Variants in DACH1 observed in about 807,000 individuals in gnomAD.
DACH1 encodes the protein dachshund family transcription factor 1.
Under a neutral mutation model 54.2 loss-of-function variants are expected in DACH1, and 12 were observed. The ratio of observed to expected loss-of-function variants is 0.22; its 90% confidence interval spans 0.14 to 0.36. The LOEUF (loss-of-function observed/expected upper bound fraction) is 0.36. Among genes scored for constraint, DACH1 ranks in the 10% least tolerant of loss-of-function variants. The pLI is 1.00. For synonymous variants in DACH1, 386 were observed against 366.2 expected, an observed-to-expected ratio of 1.05 and a Z score of -0.62; for missense variants, 805 against 929.8, an observed-to-expected ratio of 0.87 and a Z score of 1.75.
intron 10 of DACH1, among the ~76,000 whole-genome samples, chr13:71,466,112 C>T (rs572210800): frequency 6.6e-6 from 1 of 152,220 alleles, no homozygotes; most frequent in Admixed American, 6.5e-5. Flanking sequence ...TGTGTCACAA[C>T]TTTTAAATTA....
intron 7 of DACH1, 122 bp from the exon 8 acceptor site, chr13:71,479,438 C>T (rs1055512098): frequency 1.1e-6 from 1 of 884,112 alleles, no homozygotes; most frequent in Admixed American, 2.4e-5. Flanking sequence ...TTCGCATTCA[C>T]TCTGCACTCA....
intron 1 of DACH1, among the ~76,000 whole-genome samples, chr13:71,836,172 G>GA (rs1440438734): frequency 1.3e-5 from 2 of 151,194 alleles, no homozygotes; most frequent in South Asian, 2.1e-4. Flanking sequence ...ACCATCTTGA[G>GA]AAAAAAGGTA....
intron 2 of DACH1, among the ~76,000 whole-genome samples, chr13:71,646,329 C>G (rs1030701267): frequency 6.7e-6 from 1 of 149,608 alleles, no homozygotes; most frequent in Non-Finnish European, 1.5e-5. Flanking sequence ...CAGAGCAAAA[C>G]TCCGTCTCAA....
In DACH1 at chr13:71,489,080, G is replaced by T; in HGVS notation, c.1639C>A (p.Gln547Lys). Residue 547 changes from glutamine to lysine, a missense_variant, in exon 7 of 11, where the codon CAA (glutamine) becomes AAA (lysine). Physicochemically the swap from Gln to Lys is moderately conservative, Grantham distance 53 (BLOSUM62 1). Transcript: ENST00000613252. ...LDKLSLTGHG[Q>K]PLPPGFPSPF... is the part of the protein sequence containing the mutation. ...GATGGAAAACCTGGAGGCAGTGGTT[G>T]TCCATGCCCAGTTAGAGAGAGTTTG... 10 of 1,613,912 alleles carry T rather than the reference G, an allele frequency of 6.2e-6. No individual in the cohort carries two copies. Among genetic ancestry groups the T allele is most frequent in the Non-Finnish European group, 8.5e-6 (10 of 1,179,860 alleles).
chr13:71,541,146 A>G (rs58769798), intron 6 of DACH1, among the ~76,000 whole-genome samples: 9,285 of 152,014 alleles, frequency 0.061, 925 homozygotes, highest in African/African-American at 0.21. Flanking sequence ...ATGGATAATG[A>G]AGTTCATATG....
intron 6 of DACH1, among the ~76,000 whole-genome samples, chr13:71,505,766 C>A (rs1198548742): frequency 6.6e-6 from 1 of 152,036 alleles, no homozygotes; most frequent in African/African-American, 2.4e-5. Flanking sequence ...AATGAAAAAA[C>A]CAGGTAGAAA....
At chr13:71,681,981 G>A in intron 1 of DACH1, 71 bp from the exon 2 acceptor site, 3 of 888,516 alleles carry the variant, frequency 3.4e-6, no homozygotes, top group South Asian at 1.7e-5. Flanking sequence ...GTTGTTTCAA[G>A]TGGTAACATG....
chr13:71,483,975 A>G (rs1307553740), intron 7 of DACH1, among the ~76,000 whole-genome samples: 3 of 152,212 alleles, frequency 2.0e-5, no homozygotes, highest in African/African-American at 2.4e-5. Flanking sequence ...AGACTGTCCA[A>G]TGATTCATTT....
At chr13:71,564,805 GT>G (rs1884806368) in intron 4 of DACH1, among the ~76,000 whole-genome samples, 1 of 151,974 alleles carries the variant, frequency 6.6e-6, no homozygotes, top group Non-Finnish European at 1.5e-5. Flanking sequence ...ATTTCATTTA[GT>G]TTTTATTTAT....
rs770951448 is a variant in DACH1 at position 71,630,540 on chromosome 13, C to T, written c.1126+16G>A. On this transcript the variant is annotated intron_variant, in intron 3 of 10. Transcript: ENST00000613252. ...GCAAAGTGATCACAATAAGTTTCAG[C>T]GAACATAAAACTTACCGACACTTGA... 4.1e-5 allele frequency: 64 copies of T among 1,565,626 alleles called. No individual in the cohort carries two copies. The highest frequency in any genetic ancestry group is 8.1e-5 in the Admixed American group (4 of 49,132).
intron 2 of DACH1, among the ~76,000 whole-genome samples, chr13:71,677,127 G>A (rs1334834539): frequency 6.6e-6 from 1 of 152,106 alleles, no homozygotes; most frequent in Admixed American, 6.6e-5. Context: ...CAAGAGGGGA[G>A]TATTTTGAAT....
intron 10 of DACH1, among the ~76,000 whole-genome samples, chr13:71,451,273 C>A (rs1168957262): frequency 6.6e-6 from 1 of 152,258 alleles, no homozygotes; most frequent in South Asian, 2.1e-4. Context: ...AGACTATCAT[C>A]TCTCCCAAGT....
intron 2 of DACH1, among the ~76,000 whole-genome samples, chr13:71,641,645 C>T (rs2138598253): frequency 6.6e-6 from 1 of 152,200 alleles, no homozygotes; most frequent in Admixed American, 6.5e-5. Context: ...AAGGAAGATT[C>T]AAATGAAATA....
chr13:71,788,799 G>A (rs1014722033), intron 1 of DACH1, among the ~76,000 whole-genome samples: 7 of 152,002 alleles, frequency 4.6e-5, no homozygotes, highest in African/African-American at 7.2e-5. Flanking sequence ...CAAATATGCT[G>A]TTGTAATAAC....
intron 6 of DACH1, among the ~76,000 whole-genome samples, chr13:71,511,573 TAAACA>T (rs1187302573): frequency 6.6e-6 from 1 of 151,612 alleles, no homozygotes. Flanking sequence ...GATGGAAATA[TAAACA>T]AAACAAAACA....
chr13:71,822,902 T>C (rs74465240), intron 1 of DACH1, among the ~76,000 whole-genome samples: 3,118 of 152,102 alleles, frequency 0.02, 102 homozygotes, highest in African/African-American at 0.07. Flanking sequence ...AATCTGAAAA[T>C]AACGTATTAT....
At chr13:71,583,121 T>C (rs1872966416) in intron 3 of DACH1, among the ~76,000 whole-genome samples, 1 of 152,180 alleles carries the variant, frequency 6.6e-6, no homozygotes. Context: ...ATTCTTTTTA[T>C]TTTAAAAATG....
chr13:71,444,039 T>A (rs1316612857), intron 10 of DACH1, among the ~76,000 whole-genome samples: 1 of 152,154 alleles, frequency 6.6e-6, no homozygotes, highest in Non-Finnish European at 1.5e-5. Context: ...GAGTAATATA[T>A]AATTATTTGT....
intron 10 of DACH1, among the ~76,000 whole-genome samples, chr13:71,449,102 G>A (rs113422008): frequency 0.013 from 1,942 of 152,218 alleles, 42 homozygotes; most frequent in African/African-American, 0.044. Flanking sequence ...CACTTTCGGA[G>A]GCCGAGGCAG....
Sources: allele counts gnomAD v4.1 joint callset (sites outside exome capture counted in the v4.1 genomes callset), GRCh38; gene constraint gnomAD v4.1.1; transcripts MANE v1.5; gene names NCBI Gene and HGNC (gene_info 2026-07-23, HGNC 2026-07-21).